EWSR1: variants seen among roughly 807,000 people sequenced by gnomAD.
EWSR1 encodes RNA-binding protein EWS.
Under a neutral mutation model 92.1 loss-of-function variants are expected in EWSR1, and 14 were observed. That is an observed-to-expected ratio of 0.15 (90% CI 0.10 to 0.24). The LOEUF (loss-of-function observed/expected upper bound fraction) is 0.24, where lower values mean the gene tolerates loss of function less well. Ranked by LOEUF, EWSR1 falls within the 10% of genes least tolerant of loss-of-function variation. The pLI is 1.00. For missense variants in EWSR1, 637 were observed against 870.9 expected (o/e 0.73, Z 3.38); for synonymous variants, 303 against 292.9 (o/e 1.03, Z -0.35).
At chr22:29,290,651 G>C in intron 8 of EWSR1, 2 of 1,405,264 alleles carry the variant, frequency 1.4e-6, no homozygotes, top group Non-Finnish European at 1.9e-6. Flanking sequence ...CTCTAGAATT[G>C]TGTAACATTA....
intron 11 of EWSR1, among the ~76,000 whole-genome samples, chr22:29,293,089 T>C (rs1032025624): frequency 1.3e-5 from 2 of 152,040 alleles, no homozygotes; most frequent in Admixed American, 1.3e-4. Flanking sequence ...TGTTGCTCAA[T>C]CTCAGCCTCC....
chr22:29,279,482 G>A (rs2059394077), intron 5 of EWSR1, among the ~76,000 whole-genome samples: 2 of 152,222 alleles, frequency 1.3e-5, no homozygotes. Context: ...GCTATAGGAT[G>A]AGCAGAGCTC....
At position 29,298,730 on chromosome 22, in the gene EWSR1, TAGGTCCAGG is replaced by T. The variant is rs745828399; in HGVS notation, c.1419_1427del (p.Gly481_Pro483del). ...TTGCTGTTTCTTGTTGTTCTTGTTG[TAGGTCCAGG>T]AGGCCCAGGAGGTCCTGGGGGACCC... is the stretch of plus-strand genomic sequence containing the variant. On this transcript the variant is annotated splice_acceptor_variant and coding_sequence_variant, in exon 14 of 17. Coordinates refer to ENST00000397938, the MANE Select transcript of EWSR1 (RefSeq NM_005243.4). LOFTEE classifies it high-confidence loss of function. 1.9e-5 allele frequency: 30 copies of T among 1,613,084 alleles called. No homozygotes were observed. Among genetic ancestry groups the T allele is most frequent in the South Asian group, 1.3e-4 (12 of 91,038 alleles).
At chr22:29,270,768 G>T (rs1273187049) in intron 1 of EWSR1, among the ~76,000 whole-genome samples, 1 of 152,170 alleles carries the variant, frequency 6.6e-6, no homozygotes, top group Non-Finnish European at 1.5e-5. Flanking sequence ...ATGATTCATT[G>T]CTGTGTTTAT....
intron 4 of EWSR1, among the ~76,000 whole-genome samples, chr22:29,274,905 GT>G (rs2058981672): frequency 6.6e-6 from 1 of 152,076 alleles, no homozygotes; most frequent in African/African-American, 2.4e-5. Context: ...TATTATTGCT[GT>G]TATAAAAGAC....
intron 9 of EWSR1, 35 bp downstream of exon 9, chr22:29,291,634 A>G: frequency 6.3e-7 from 1 of 1,578,452 alleles, no homozygotes. Context: ...ATAGTGTTTA[A>G]AAAAAAATGC....
chr22:29,298,329 A>G (rs1181254464), intron 13 of EWSR1, among the ~76,000 whole-genome samples: 2 of 152,096 alleles, frequency 1.3e-5, no homozygotes, highest in East Asian at 3.9e-4. Flanking sequence ...AACGTGGTGA[A>G]ACTCCCTCTC....
At chr22:29,296,916 TC>T (rs2060906431) in intron 12 of EWSR1, among the ~76,000 whole-genome samples, 1 of 152,060 alleles carries the variant, frequency 6.6e-6, no homozygotes, top group Admixed American at 6.6e-5. Context: ...TGTGGCACAC[TC>T]CTATACCTAT....
chr22:29,291,483 C>T (rs2060435712), intron 8 of EWSR1, 79 bp from the exon 9 acceptor site: 2 of 1,409,022 alleles, frequency 1.4e-6, no homozygotes, highest in Non-Finnish European at 2.0e-6. Flanking sequence ...TGCCCTTCTT[C>T]CCCACGAGCC....
At chr22:29,289,008 G>C in intron 8 of EWSR1, 1 of 472,162 alleles carries the variant, frequency 2.1e-6, no homozygotes, top group Non-Finnish European at 3.7e-6. Flanking sequence ...GGGTCGGGGA[G>C]AACAAAGAAT....
At chr22:29,280,163 G>T (rs1300205245) in intron 5 of EWSR1, among the ~76,000 whole-genome samples, 1 of 152,016 alleles carries the variant, frequency 6.6e-6, no homozygotes, top group Non-Finnish European at 1.5e-5. Flanking sequence ...CACCACCCAG[G>T]TTCAAGCAAT....
intron 14 of EWSR1, 116 bp from the exon 15 acceptor site, chr22:29,299,118 C>T (rs2061128055): frequency 6.3e-7 from 1 of 1,576,364 alleles, no homozygotes. Flanking sequence ...TGCCCTAAAG[C>T]ATGGGTGTAC....
chr22:29,276,357 T>G (rs1263844490), intron 4 of EWSR1: 3 of 227,780 alleles, frequency 1.3e-5, no homozygotes, highest in Non-Finnish European at 2.6e-5. Context: ...TCTGGAACTA[T>G]GTATACTTTC....
chr22:29,298,610 G>GGGACAGGTGATGGGGAAATGACAGCA, intron 13 of EWSR1, 123 bp from the exon 14 acceptor site: 1 of 1,225,748 alleles, frequency 8.2e-7, no homozygotes. Flanking sequence ...ACGGAAACAC[G>GGGACAGGTGATGGGGAAATGACAGCA]GGACAGGTGA....
At position 29,296,119 on chromosome 22, in the gene EWSR1, G is replaced by C. The variant is rs16987371; in HGVS notation, c.1165-120G>C. 2.5e-3 allele frequency: 2,351 copies of C among 958,986 alleles called. 49 individuals are homozygous for C. The African/African-American group carries it at 0.037, about 15-fold the overall frequency. 59.4% of individuals were successfully genotyped at this position (958,986 alleles called of 1,614,324 possible). A position where few individuals can be genotyped will look rare whatever the true frequency, so the allele number is the denominator to read the frequency against. ...CTGAAAAACTTAAAAGCGGAGAAAC[G>C]GTGACATTTAGTGACTTACTACATG... On this transcript the variant is annotated intron_variant, in intron 11 of 16. Transcript: ENST00000397938.
chr22:29,279,433 A>G (rs1430127306), intron 5 of EWSR1, among the ~76,000 whole-genome samples: 2 of 152,234 alleles, frequency 1.3e-5, no homozygotes, highest in African/African-American at 4.8e-5. Context: ...GCTTAATCTA[A>G]ATATTATAGG....
intron 1 of EWSR1, chr22:29,269,387 T>C (rs1387823960): frequency 6.6e-6 from 1 of 151,794 alleles, no homozygotes; most frequent in East Asian, 1.9e-4. Context: ...AAAATGGGAG[T>C]AGAGTGGTCC....
intron 5 of EWSR1, among the ~76,000 whole-genome samples, chr22:29,281,079 CTG>C (rs2059562313): frequency 6.6e-6 from 1 of 151,714 alleles, no homozygotes; most frequent in South Asian, 2.1e-4. Flanking sequence ...CAGGGTTTCA[CTG>C]TGTTTGCCAG....
intron 8 of EWSR1, chr22:29,289,340 A>G (rs981488407): frequency 1.7e-5 from 4 of 230,036 alleles, no homozygotes; most frequent in Non-Finnish European, 2.6e-5. Flanking sequence ...GAAAAATCCA[A>G]TAGCATTTTG....
Sources: allele counts gnomAD v4.1 joint callset (sites outside exome capture counted in the v4.1 genomes callset), GRCh38; gene constraint gnomAD v4.1.1; transcripts MANE v1.5; gene names NCBI Gene and HGNC (gene_info 2026-07-23, HGNC 2026-07-21).